ABLIM1: variants seen among roughly 807,000 people sequenced by gnomAD.
ABLIM1 encodes actin-binding LIM protein 1.
In ABLIM1, 40 loss-of-function variants were observed where a neutral mutation model predicts 107.0. That is an observed-to-expected ratio of 0.37 (90% CI 0.29 to 0.49). The LOEUF (loss-of-function observed/expected upper bound fraction) is 0.49. ABLIM1 is among the 20% of genes least tolerant of loss of function. The pLI is 0.97. For synonymous variants in ABLIM1, 357 were observed against 357.3 expected, an observed-to-expected ratio of 1.00 and a Z score of 0.01; for missense variants, 857 against 1,008.5, an observed-to-expected ratio of 0.85 and a Z score of 2.04.
At chr10:114,490,580 C>T (rs1323333333) in intron 7 of ABLIM1, among the ~76,000 whole-genome samples, 2 of 152,130 alleles carry the variant, frequency 1.3e-5, no homozygotes, top group Non-Finnish European at 2.9e-5. Flanking sequence ...ATGGGTTTTG[C>T]TAATTTTATT....
chr10:114,511,844 T>C (rs1254234339), intron 6 of ABLIM1, among the ~76,000 whole-genome samples: 1 of 152,228 alleles, frequency 6.6e-6, no homozygotes, highest in Non-Finnish European at 1.5e-5. Context: ...TTCCAGCTGT[T>C]CGGAGCATCA....
At position 114,434,329 on chromosome 10, in the gene ABLIM1, ACG is replaced by A. The variant is rs1554981982; in HGVS notation, c.*1929_*1930del. 6.9e-6 allele frequency: 1 copy of A among 144,158 alleles called. No individual in the cohort carries two copies. The highest frequency in any genetic ancestry group is 1.5e-5 in the Non-Finnish European group (1 of 66,656). The allele number at this position is 144,158 out of a possible 1,614,324, so 8.9% of individuals were successfully genotyped here. A position where few individuals can be genotyped will look rare whatever the true frequency, so the allele number is the denominator to read the frequency against. On this transcript the variant is annotated 3_prime_UTR_variant, in exon 23 of 23. Coordinates refer to ENST00000533213, the MANE Select transcript of ABLIM1 (RefSeq NM_002313.7). The stretch of plus-strand genomic sequence containing the variant: ...CACACACACACACACACACACACAC[ACG>A]AGAGTAGTCCTCATTCAGTGCATAG...
chr10:114,491,010 G>A (rs200933816), intron 7 of ABLIM1, among the ~76,000 whole-genome samples: 54,178 of 89,018 alleles, frequency 0.61, 13,621 homozygotes, highest in South Asian at 0.7. Flanking sequence ...GTGTGTGTGT[G>A]TGTATATATA....
intron 1 of ABLIM1, among the ~76,000 whole-genome samples, chr10:114,728,882 C>T (rs1226849681): frequency 2.0e-5 from 3 of 151,978 alleles, no homozygotes; most frequent in Non-Finnish European, 2.9e-5. Context: ...GCATATCATG[C>T]TTTTTCTGTT....
intron 4 of ABLIM1, among the ~76,000 whole-genome samples, chr10:114,570,793 G>A (rs962105801): frequency 1.3e-5 from 2 of 151,826 alleles, no homozygotes; most frequent in African/African-American, 2.4e-5. Flanking sequence ...ATTTTTTGTA[G>A]AGACGGGATT....
At chr10:114,551,004 C>A (rs1043403487) in intron 4 of ABLIM1, among the ~76,000 whole-genome samples, 3 of 152,178 alleles carry the variant, frequency 2.0e-5, no homozygotes, top group African/African-American at 4.8e-5. Context: ...AGTCTCTCTG[C>A]TGCACCAAAA....
At chr10:114,486,026 C>T (rs1165176446) in intron 8 of ABLIM1, among the ~76,000 whole-genome samples, 1 of 152,196 alleles carries the variant, frequency 6.6e-6, no homozygotes, top group South Asian at 2.1e-4. Flanking sequence ...CTGTCCTGAC[C>T]TCCCACGTAG....
chr10:114,497,171 T>A (rs183591187), intron 6 of ABLIM1, among the ~76,000 whole-genome samples: 81 of 152,342 alleles, frequency 5.3e-4, no homozygotes, highest in Non-Finnish European at 9.8e-4. Context: ...GCAGAGAGGA[T>A]GCTGTTGACT....
In ABLIM1 at chr10:114,629,159, C is replaced by T. The variant is rs1037768920; in HGVS notation, c.245-27198G>A. On this transcript the variant is annotated intron_variant, in intron 1 of 22. Coordinates refer to ENST00000533213, the MANE Select transcript of ABLIM1 (RefSeq NM_002313.7). This position sits in a 1 kb window ranked among gnomAD's most constrained non-coding sequence, Gnocchi z 4.0. The stretch of plus-strand genomic sequence containing the variant: ...TGCCACTCCACACTAGTGGAGGCAA[C>T]CAGCCAGCGTGCTTTCTCTCCTGCC... 6.6e-6 allele frequency among the ~76,000 whole-genome samples: 1 copy of T among 152,214 alleles called. No homozygotes were observed. The highest frequency in any genetic ancestry group is 1.5e-5 in the Non-Finnish European group (1 of 68,040).
chr10:114,440,100 A>G lies in ABLIM1; in HGVS notation c.2060-11T>C. On this transcript the variant is annotated splice_polypyrimidine_tract_variant and intron_variant, in intron 19 of 22. Coordinates refer to ENST00000533213, the MANE Select transcript of ABLIM1 (RefSeq NM_002313.7). The stretch of plus-strand genomic sequence containing the variant: ...TCCATACCTGGTAATCTGAAAAGGA[A>G]AGGAAAAGAAAATATCATAAGGGAA... 3 of 1,611,070 alleles carry G rather than the reference A, an allele frequency of 1.9e-6. No individual in the cohort carries two copies.
chr10:114,771,557 C>G (rs1262706387), upstream of ABLIM1, among the ~76,000 whole-genome samples: 1 of 152,198 alleles, frequency 6.6e-6, no homozygotes, highest in Non-Finnish European at 1.5e-5. Flanking sequence ...CTCACATCAT[C>G]TCAGAATCTC....
At chr10:114,485,191 T>C in intron 8 of ABLIM1, 2 of 788,156 alleles carry the variant, frequency 2.5e-6, no homozygotes, top group East Asian at 6.1e-5. Flanking sequence ...ATCTGCTTTC[T>C]GCAGGAGCCG....
the ABLIM1 span, among the ~76,000 whole-genome samples, chr10:114,794,304 T>G: frequency 1.3e-5 from 2 of 152,272 alleles, no homozygotes. Context: ...TTTTGTTTAT[T>G]GATTCTCATC....
intron 6 of ABLIM1, among the ~76,000 whole-genome samples, chr10:114,521,241 A>T (rs1439005157): frequency 6.6e-6 from 1 of 152,210 alleles, no homozygotes; most frequent in Non-Finnish European, 1.5e-5. Context: ...TACCAAGAAG[A>T]AATCTGTATT....
intron 1 of ABLIM1, among the ~76,000 whole-genome samples, chr10:114,626,815 C>T (rs1213109563): frequency 6.6e-6 from 1 of 152,108 alleles, no homozygotes; most frequent in African/African-American, 2.4e-5. Flanking sequence ...GGCCTTAATC[C>T]ACTGGGACTG....
chr10:114,647,845 G>A (rs1220954703), intron 1 of ABLIM1, among the ~76,000 whole-genome samples: 1 of 152,196 alleles, frequency 6.6e-6, no homozygotes, highest in Non-Finnish European at 1.5e-5. Flanking sequence ...GCCACAGTAA[G>A]TCACTTACAG....
intron 9 of ABLIM1, 63 bp from the exon 10 acceptor site, chr10:114,473,195 T>A (rs2066922438): frequency 6.7e-7 from 1 of 1,486,678 alleles, no homozygotes; most frequent in African/African-American, 1.4e-5. Context: ...AAACTGTAGT[T>A]GGCGCATTTC....
chr10:114,722,849 T>C (rs904510120), intron 1 of ABLIM1, among the ~76,000 whole-genome samples: 1 of 152,200 alleles, frequency 6.6e-6, no homozygotes, highest in Non-Finnish European at 1.5e-5. Flanking sequence ...CAAAATCCCA[T>C]TTATGCTTCC....
At chr10:114,554,641 A>G (rs543555278) in intron 4 of ABLIM1, among the ~76,000 whole-genome samples, 78 of 152,300 alleles carry the variant, frequency 5.1e-4, no homozygotes, top group Non-Finnish European at 2.2e-4. Flanking sequence ...GGCTGTAGTG[A>G]GCTATAATCA....
Sources: allele counts gnomAD v4.1 joint callset (sites outside exome capture counted in the v4.1 genomes callset), GRCh38; gene constraint gnomAD v4.1.1; non-coding constraint Gnocchi (gnomAD v3.1); transcripts MANE v1.5; gene names NCBI Gene and HGNC (gene_info 2026-07-23, HGNC 2026-07-21).